FMN1: variants seen among roughly 807,000 people sequenced by gnomAD.
FMN1 encodes the protein formin-1.
Under a neutral mutation model 132.4 loss-of-function variants are expected in FMN1, and 110 were observed. The observed-to-expected ratio is 0.83, with a 90% CI of 0.71 to 0.97. The LOEUF (loss-of-function observed/expected upper bound fraction) is 0.97. FMN1 is among the 50% of genes least tolerant of loss of function. FMN1 has a pLI of 0.00. For synonymous variants in FMN1, 722 were observed against 651.7 expected, an observed-to-expected ratio of 1.11 and a Z score of -1.64; for missense variants, 1,792 against 1,705.3, an observed-to-expected ratio of 1.05 and a Z score of -0.90.
intron 7 of FMN1, among the ~76,000 whole-genome samples, chr15:33,004,879 T>A (rs527665542): frequency 1.3e-5 from 2 of 152,148 alleles, no homozygotes; most frequent in Non-Finnish European, 2.9e-5. Flanking sequence ...TGAGTTCATG[T>A]CCTTTGTAGG....
At chr15:32,850,203 A>G (rs1567269398) in intron 17 of FMN1, among the ~76,000 whole-genome samples, 1 of 151,804 alleles carries the variant, frequency 6.6e-6, no homozygotes, top group Non-Finnish European at 1.5e-5. Context: ...CACAGGTTAC[A>G]TTGTTCAGAT....
intron 16 of FMN1, among the ~76,000 whole-genome samples, chr15:32,866,822 ACTT>A (rs2059403177): frequency 6.6e-6 from 1 of 152,044 alleles, no homozygotes; most frequent in Non-Finnish European, 1.5e-5. Context: ...CATCTTGACT[ACTT>A]CTCCTTTGTA....
At chr15:33,055,935 C>T (rs2037196661) in intron 6 of FMN1, among the ~76,000 whole-genome samples, 1 of 150,868 alleles carries the variant, frequency 6.6e-6, no homozygotes, top group African/African-American at 2.5e-5. Context: ...TTAAGTGACT[C>T]AGACAGGCAC....
intron 17 of FMN1, among the ~76,000 whole-genome samples, chr15:32,816,710 A>C (rs1003950909): frequency 6.6e-6 from 1 of 151,598 alleles, no homozygotes; most frequent in Non-Finnish European, 1.5e-5. Flanking sequence ...TAAAACTGTC[A>C]TATTACTACA....
intron 16 of FMN1, among the ~76,000 whole-genome samples, chr15:32,862,460 G>C (rs1293283574): frequency 1.3e-5 from 2 of 152,228 alleles, no homozygotes; most frequent in African/African-American, 4.8e-5. Context: ...TGAAATAACT[G>C]AGACTACATG....
At chr15:33,030,904 T>C (rs893217408) in intron 6 of FMN1, among the ~76,000 whole-genome samples, 4 of 152,120 alleles carry the variant, frequency 2.6e-5, no homozygotes, top group African/African-American at 9.7e-5. Flanking sequence ...ACACGTGCCA[T>C]GGTGGTTTGC....
At chr15:32,923,144 C>A (rs1198803349) in intron 10 of FMN1, among the ~76,000 whole-genome samples, 1 of 152,194 alleles carries the variant, frequency 6.6e-6, no homozygotes, top group Non-Finnish European at 1.5e-5. Flanking sequence ...GGCTGAAGAA[C>A]ACCCTCTGAA....
At chr15:32,878,698 T>C (rs2059693991) in intron 16 of FMN1, among the ~76,000 whole-genome samples, 1 of 152,212 alleles carries the variant, frequency 6.6e-6, no homozygotes. Flanking sequence ...ATGAGGATAC[T>C]GAAATGTCAG....
At chr15:32,882,837 A>G (rs1186986626) in intron 16 of FMN1, among the ~76,000 whole-genome samples, 3 of 152,230 alleles carry the variant, frequency 2.0e-5, no homozygotes, top group Admixed American at 6.5e-5. Flanking sequence ...TCCTAAGATA[A>G]TATCAACAGG....
At chr15:32,778,242 T>C (rs1302594830) in intron 19 of FMN1, among the ~76,000 whole-genome samples, 1 of 140,620 alleles carries the variant, frequency 7.1e-6, no homozygotes, top group Non-Finnish European at 1.5e-5. Context: ...ATATATTATA[T>C]AATACATATA....
At chr15:33,018,199 C>G (rs555959042) in intron 6 of FMN1, among the ~76,000 whole-genome samples, 1 of 152,248 alleles carries the variant, frequency 6.6e-6, no homozygotes, top group African/African-American at 2.4e-5. Context: ...GTGTGTGATA[C>G]TGCAAAATAT....
intron 5 of FMN1, among the ~76,000 whole-genome samples, chr15:33,070,005 T>C (rs1472151107): frequency 1.5e-4 from 20 of 135,154 alleles, no homozygotes; most frequent in South Asian, 2.6e-4. Flanking sequence ...TTTTTTTTTT[T>C]TTTTTTTTTT....
intron 7 of FMN1, among the ~76,000 whole-genome samples, chr15:32,978,825 G>C (rs984991946): frequency 1.3e-4 from 20 of 152,196 alleles, no homozygotes; most frequent in African/African-American, 4.8e-4. Flanking sequence ...ACCATGATGC[G>C]GATTCCTCAG....
intron 7 of FMN1, among the ~76,000 whole-genome samples, chr15:33,006,436 C>G (rs1319174696): frequency 6.6e-6 from 1 of 152,104 alleles, no homozygotes; most frequent in Non-Finnish European, 1.5e-5. Context: ...CCCATGCACA[C>G]TGTTGGTAGG....
At chr15:32,892,370 C>T (rs554207246) in intron 15 of FMN1, among the ~76,000 whole-genome samples, 42 of 152,270 alleles carry the variant, frequency 2.8e-4, no homozygotes, top group African/African-American at 9.4e-4. Context: ...TATTAACTTG[C>T]GTATGTTAAA....
intron 4 of FMN1, among the ~76,000 whole-genome samples, chr15:33,089,354 T>C (rs1014611630): frequency 7.2e-5 from 11 of 152,332 alleles, no homozygotes; most frequent in African/African-American, 2.6e-4. Context: ...AAGTCACTAA[T>C]GTGTGTGTTC....
intron 4 of FMN1, among the ~76,000 whole-genome samples, chr15:33,098,115 A>G (rs140854824): frequency 1.6e-3 from 246 of 152,342 alleles, no homozygotes; most frequent in Admixed American, 2.7e-3. Flanking sequence ...AAAATCCCAA[A>G]AACTTGGAAA....
intron 10 of FMN1, among the ~76,000 whole-genome samples, chr15:32,923,523 G>A (rs1194837594): frequency 6.6e-6 from 1 of 152,198 alleles, no homozygotes; most frequent in Non-Finnish European, 1.5e-5. Flanking sequence ...GTGGATCACA[G>A]AGGTGCTTGA....
rs1964527342 is a variant in FMN1, at chr15:33,153,352, G to A, written c.1563C>T (p.Pro521=). 1 of 1,536,260 alleles carries A rather than the reference G, an allele frequency of 6.5e-7. No homozygotes were observed. Among genetic ancestry groups the A allele is most frequent in the Non-Finnish European group, 8.7e-7 (1 of 1,146,956 alleles). Residue 521 remains proline, a synonymous_variant, in exon 4 of 21, where the codon CCC becomes CCT. Coordinates refer to ENST00000616417, the MANE Select transcript of FMN1 (RefSeq NM_001277313.2). ...SSTHKQTSPV[P]SPLSPRLPSP... ...TGGGGAGCCTTGGAGACAGAGGCGA[G>A]GGAACAGGTGACGTCTGTTTGTGTG... is the stretch of plus-strand genomic sequence containing the variant.
Sources: gnomAD v4.1 joint callset for allele counts (sites outside exome capture counted in the v4.1 genomes callset) on GRCh38, gnomAD v4.1.1 for gene constraint, MANE v1.5 for transcripts, NCBI Gene and HGNC (gene_info 2026-07-23, HGNC 2026-07-21) for gene names.